The following CRISP3 variants were observed in gnomAD, a reference collection of about 807,000 sequenced individuals.
CRISP3 encodes the protein cysteine-rich secretory protein 3.
A neutral mutation model predicts 36.1 loss-of-function variants in CRISP3; 33 were observed. The observed-to-expected ratio is 0.91, with a 90% CI of 0.69 to 1.22. The LOEUF (loss-of-function observed/expected upper bound fraction) is 1.22. Ranked by LOEUF, CRISP3 falls within the 50% of genes most tolerant of loss-of-function variation. CRISP3 has a pLI of 0.00. For missense variants in CRISP3, 330 were observed against 301.2 expected, an observed-to-expected ratio of 1.10 and a Z score of -0.71; for synonymous variants, 117 against 104.6, an observed-to-expected ratio of 1.12 and a Z score of -0.72.
chr6:49,740,575 A>ATGTG (rs35601509), intron 1 of CRISP3, among the ~76,000 whole-genome samples: 5,276 of 141,486 alleles, frequency 0.037, 94 homozygotes, highest in Middle Eastern at 0.05. Context: ...GTGTATATGG[A>ATGTG]TGTGTGTGTG....
intron 6 of CRISP3, among the ~76,000 whole-genome samples, chr6:49,731,487 A>G (rs1439894886): frequency 6.6e-6 from 1 of 152,286 alleles, no homozygotes; most frequent in East Asian, 1.9e-4. Flanking sequence ...CTGAAATAGG[A>G]TAATTAAAGT....
In CRISP3 at chr6:49,737,305, A is replaced by G; in HGVS notation, c.111+20T>C. 1 of 1,609,856 alleles carries G rather than the reference A, an allele frequency of 6.2e-7. No homozygotes were observed. Among genetic ancestry groups the G allele is most frequent in the East Asian group, 2.2e-5 (1 of 44,860 alleles). On this transcript the variant is annotated intron_variant, in intron 2 of 7. Coordinates refer to ENST00000263045, the MANE Select transcript of CRISP3 (RefSeq NM_006061.4). ...CATGGTTGCCTGAATTTTTCTGAAG[A>G]TTTTTGACTTCAACCATACCTTATC...
Position 49,728,724 on chromosome 6 carries a change from G to A in CRISP3, c.*6C>T. 6.2e-7 allele frequency: 1 copy of A among 1,609,510 alleles called. No individual in the cohort carries two copies. The highest frequency in any genetic ancestry group is 8.5e-7 in the Non-Finnish European group (1 of 1,177,844). On this transcript the variant is annotated 3_prime_UTR_variant, in exon 8 of 8. Transcript: ENST00000263045. ...TACATAGCCCTACTCGGTGTGTAAT[G>A]CGTATTTAATAAATGCTGTTTGAAC...
chr6:49,738,457 T>C (rs535369679), intron 1 of CRISP3, among the ~76,000 whole-genome samples: 12 of 152,240 alleles, frequency 7.9e-5, no homozygotes, highest in African/African-American at 2.6e-4. Context: ...GCAGAACAAA[T>C]AGTATATGGT....
chr6:49,730,708 G>T (rs1412305966), intron 7 of CRISP3, among the ~76,000 whole-genome samples: 1 of 152,130 alleles, frequency 6.6e-6, no homozygotes, highest in Admixed American at 6.5e-5. Flanking sequence ...CATTGCAAAT[G>T]ATACATAGAT....
intron 4 of CRISP3, among the ~76,000 whole-genome samples, chr6:49,735,275 T>A (rs1482931519): frequency 6.6e-6 from 1 of 152,082 alleles, no homozygotes; most frequent in Non-Finnish European, 1.5e-5. Context: ...CCTGAGCTGA[T>A]TGAGAGGTAA....
chr6:49,731,383 A>G (rs1398611286), intron 6 of CRISP3, 132 bp from the exon 7 acceptor site: 2 of 486,110 alleles, frequency 4.1e-6, no homozygotes, highest in African/African-American at 4.0e-5. Context: ...AATTAAAAAT[A>G]TAATCTCAGA....
At chr6:49,742,083 A>G (rs1769220434) in intron 1 of CRISP3, among the ~76,000 whole-genome samples, 1 of 151,770 alleles carries the variant, frequency 6.6e-6, no homozygotes, top group Non-Finnish European at 1.5e-5. Flanking sequence ...ATAAGATTTA[A>G]GAAACACTTA....
intron 6 of CRISP3, among the ~76,000 whole-genome samples, chr6:49,732,318 A>T (rs1302856833): frequency 2.0e-5 from 3 of 152,222 alleles, no homozygotes; most frequent in African/African-American, 7.2e-5. Context: ...CTTACAGGTC[A>T]TATTTCTCAG....
At chr6:49,744,195 TAA>T (rs1473884523) in intron 1 of CRISP3, 134 bp downstream of exon 1, 1 of 571,922 alleles carries the variant, frequency 1.7e-6, no homozygotes, top group African/African-American at 1.9e-5. Flanking sequence ...TTACTCTCAT[TAA>T]AAGTTATCAA....
intron 7 of CRISP3, among the ~76,000 whole-genome samples, chr6:49,729,941 T>C (rs960011325): frequency 5.9e-5 from 9 of 152,172 alleles, no homozygotes; most frequent in African/African-American, 1.7e-4. Context: ...TGGCTGATTA[T>C]TACTAATAAG....
intron 1 of CRISP3, among the ~76,000 whole-genome samples, chr6:49,738,927 G>A (rs1184641213): frequency 6.6e-6 from 1 of 152,020 alleles, no homozygotes; most frequent in South Asian, 2.1e-4. Flanking sequence ...GAAAATGGGA[G>A]CAGGGGAGAT....
At chr6:49,739,047 T>A (rs1769135643) in intron 1 of CRISP3, among the ~76,000 whole-genome samples, 1 of 151,432 alleles carries the variant, frequency 6.6e-6, no homozygotes, top group Admixed American at 6.6e-5. Context: ...AGAATGCAGA[T>A]CTGGAGCTCC....
chr6:49,741,146 A>C (rs76641276), intron 1 of CRISP3, among the ~76,000 whole-genome samples: 8 of 81,016 alleles, frequency 9.9e-5, no homozygotes, highest in South Asian at 4.5e-4. Flanking sequence ...ACAAAAAAAA[A>C]CCACCAAAAA....
intron 1 of CRISP3, among the ~76,000 whole-genome samples, chr6:49,737,952 CT>C (rs1319507402): frequency 6.6e-6 from 1 of 152,118 alleles, no homozygotes. Context: ...TACGTATATG[CT>C]TTTTATGCAT....
intron 3 of CRISP3, among the ~76,000 whole-genome samples, chr6:49,735,858 A>G (rs1769037894): frequency 6.6e-6 from 1 of 151,908 alleles, no homozygotes; most frequent in African/African-American, 2.4e-5. Context: ...AAACACCTAA[A>G]GATTTTTTGT....
At chr6:49,743,875 A>T (rs1284518748) in intron 1 of CRISP3, among the ~76,000 whole-genome samples, 1 of 152,106 alleles carries the variant, frequency 6.6e-6, no homozygotes, top group African/African-American at 2.4e-5. Flanking sequence ...TCTTGAGATC[A>T]GTGCTATAAT....
Position 49,728,830 on chromosome 6 carries a change from T to G in CRISP3, c.677A>C (p.Tyr226Ser). ...CTNGCKYEDL[Y>S]SNCKSLKLTL... ...GAGCTTCAAACTTTTACAGTTACTA[T>G]AGAGATCTTCGTACTTGCAACCATT... Residue 226 changes from tyrosine (Y) to serine (S), a missense_variant, in exon 8 of 8, where the codon TAT becomes TCT. Physicochemically the swap from Tyr to Ser is moderately radical, Grantham distance 144. Transcript: ENST00000263045. The G allele has an allele frequency of 6.2e-7, 1 of 1,612,242 alleles. No homozygotes were observed. The highest frequency in any genetic ancestry group is 8.5e-7 in the Non-Finnish European group (1 of 1,179,052).
At position 49,737,620 on chromosome 6, in the gene CRISP3, G is replaced by A. The variant is rs141125111; in HGVS notation, c.38-222C>T. Among the ~76,000 whole-genome samples, 445 of 152,190 alleles carry A rather than the reference G, an allele frequency of 2.9e-3. 2 individuals are homozygous for A. Among genetic ancestry groups the A allele is most frequent in the African/African-American group, 0.01 (423 of 41,536 alleles). ...CTATAAAGAACAAACCAAAATTCCCGACTGAAGCCCTTGAAGCATGCCTAT... is the reference window on the plus strand; with the variant it reads ...CTATAAAGAACAAACCAAAATTCCCAACTGAAGCCCTTGAAGCATGCCTAT... On this transcript the variant is annotated intron_variant, in intron 1 of 7. Transcript: ENST00000263045.
Sources: gnomAD v4.1 joint callset for allele counts (sites outside exome capture counted in the v4.1 genomes callset) on GRCh38, gnomAD v4.1.1 for gene constraint, MANE v1.5 for transcripts, NCBI Gene and HGNC (gene_info 2026-07-23, HGNC 2026-07-21) for gene names.